The following PCDHA2 variants were observed in gnomAD, a reference collection of about 807,000 sequenced individuals.
PCDHA2 encodes protocadherin alpha 2.
A neutral mutation model predicts 66.0 loss-of-function variants in PCDHA2; 58 were observed. That is an observed-to-expected ratio of 0.88 (90% CI 0.71 to 1.09). The LOEUF is 1.09. Ranked by LOEUF, PCDHA2 falls within the 50% of genes least tolerant of loss-of-function variation. The probability of loss-of-function intolerance (pLI) is 0.00; values close to 1 mark genes in which losing one functional copy is unlikely to be tolerated. For missense variants in PCDHA2, 1,267 were observed against 1,242.3 expected, an observed-to-expected ratio of 1.02 and a Z score of -0.30; for synonymous variants, 634 against 554.0, an observed-to-expected ratio of 1.14 and a Z score of -2.03.
At chr5:140,904,642 C>G (rs1257685945) in intron 1 of PCDHA2, among the ~76,000 whole-genome samples, 2 of 152,132 alleles carry the variant, frequency 1.3e-5, no homozygotes, top group Non-Finnish European at 2.9e-5. Context: ...AATCTCCACA[C>G]TGTTTTCCAT....
At chr5:140,904,270 G>A (rs374052783) in intron 1 of PCDHA2, among the ~76,000 whole-genome samples, 3 of 152,068 alleles carry the variant, frequency 2.0e-5, no homozygotes, top group East Asian at 3.9e-4. Context: ...ACTTATGAAT[G>A]AGAACATGTG....
chr5:140,833,685 T>C (rs1301344321), intron 1 of PCDHA2, among the ~76,000 whole-genome samples: 2 of 152,124 alleles, frequency 1.3e-5, no homozygotes, highest in South Asian at 2.1e-4. Context: ...CCAAACCTTC[T>C]CTTATTTTGT....
chr5:140,847,202 C>A (rs1780900949), intron 1 of PCDHA2, among the ~76,000 whole-genome samples: 1 of 149,570 alleles, frequency 6.7e-6, no homozygotes, highest in Non-Finnish European at 1.5e-5. Flanking sequence ...AATTTGGCCA[C>A]TCTTTAGAAT....
chr5:140,836,633 C>A (rs2150266268), intron 1 of PCDHA2: 8 of 1,613,432 alleles, frequency 5.0e-6, no homozygotes, highest in Non-Finnish European at 5.9e-6. Flanking sequence ...GCTGGTCATT[C>A]TCCCAGCAGA....
chr5:140,863,012 G>A, intron 1 of PCDHA2: 1 of 552,296 alleles, frequency 1.8e-6, no homozygotes, highest in South Asian at 1.4e-5. Context: ...CAGCTATGAC[G>A]CCTGGTTGTC....
At chr5:140,809,544 T>G in intron 1 of PCDHA2, 1 of 1,613,228 alleles carries the variant, frequency 6.2e-7, no homozygotes. Context: ...GAAGATCAGC[T>G]GCAGACAACT....
chr5:140,804,920 T>G, intron 1 of PCDHA2: 1 of 979,612 alleles, frequency 1.0e-6, no homozygotes, highest in South Asian at 2.3e-5. Flanking sequence ...TATTTCCTTT[T>G]TTGGCACTAT....
rs375841777 is a variant in PCDHA2, at chr5:140,796,332, A to G, written c.1368A>G (p.Ala456=). 2.5e-6 allele frequency: 4 copies of G among 1,609,960 alleles called. No homozygotes were observed. Among genetic ancestry groups the G allele is most frequent in the Admixed American group, 1.7e-5 (1 of 59,500 alleles). Residue 456 remains alanine, a synonymous_variant, in exon 1 of 4, where the codon GCA becomes GCG. Coordinates refer to ENST00000526136, the MANE Select transcript of PCDHA2 (RefSeq NM_018905.3). ...ADVNDNAPAF[A]QPEYTVFVKE... is the part of the protein sequence containing the mutation. ...TGAACGACAACGCGCCGGCGTTCGC[A>G]CAGCCTGAGTACACAGTATTCGTGA...
At chr5:140,829,218 A>G in intron 1 of PCDHA2, 1 of 1,614,180 alleles carries the variant, frequency 6.2e-7, no homozygotes, top group Non-Finnish European at 8.5e-7. Context: ...AGCGTGAACG[A>G]CCTCGATTCA....
Position 140,856,227 on chromosome 5 carries a change from A to C in PCDHA2, c.2388+58875A>C, listed in dbSNP as rs149352769. 4,605 of 1,597,986 alleles carry C rather than the reference A, an allele frequency of 2.9e-3. 355 individuals carry two copies. The highest frequency in any genetic ancestry group is 0.01 in the Middle Eastern group (60 of 5,808). ...GGGCTGGAGCTGGCGGAGCTGGTGC[A>C]GCGCCTGTTCCGGGTGGCGTCCAAA... On this transcript the variant is annotated intron_variant, in intron 1 of 3. Transcript: ENST00000526136.
intron 1 of PCDHA2, chr5:140,850,445 G>A: frequency 6.3e-7 from 1 of 1,597,998 alleles, no homozygotes; most frequent in Non-Finnish European, 8.6e-7. Context: ...TACTGGTGCT[G>A]GTGAAAGACC....
chr5:140,821,638 A>AT, intron 1 of PCDHA2: 1 of 1,026,086 alleles, frequency 9.7e-7, no homozygotes, highest in Non-Finnish European at 1.4e-6. Flanking sequence ...AGAAAGGAAA[A>AT]GAACCTTCCA....
At chr5:140,892,811 T>C (rs1554185379) in intron 1 of PCDHA2, among the ~76,000 whole-genome samples, 1 of 152,210 alleles carries the variant, frequency 6.6e-6, no homozygotes, top group Non-Finnish European at 1.5e-5. Context: ...TAACCATATT[T>C]ATCCTACAGT....
chr5:140,852,888 T>C, intron 1 of PCDHA2: 1 of 920,092 alleles, frequency 1.1e-6, no homozygotes, highest in Non-Finnish European at 1.3e-6. Context: ...AAAACGTATT[T>C]TTTTTTTTGA....
At chr5:140,851,590 A>T in intron 1 of PCDHA2, 1 of 918,156 alleles carries the variant, frequency 1.1e-6, no homozygotes, top group Non-Finnish European at 1.3e-6. Flanking sequence ...ATTTTTTGAA[A>T]TTCAGTTTAC....
At chr5:140,842,917 G>A in intron 1 of PCDHA2, 1 of 1,594,694 alleles carries the variant, frequency 6.3e-7, no homozygotes, top group Non-Finnish European at 8.6e-7. Flanking sequence ...AGCTGCTGCA[G>A]TTCCAGGTGA....
At chr5:140,888,796 T>C (rs1158691492) in intron 1 of PCDHA2, among the ~76,000 whole-genome samples, 1 of 152,008 alleles carries the variant, frequency 6.6e-6, no homozygotes, top group East Asian at 1.9e-4. Context: ...TCTGGGGAGG[T>C]TGATCAGTGA....
At position 141,011,407 on chromosome 5, in the gene PCDHA2, G is replaced by A. The variant is rs782613069; in HGVS notation, c.*1470G>A. On this transcript the variant is annotated 3_prime_UTR_variant, in exon 4 of 4. Coordinates refer to ENST00000526136, the MANE Select transcript of PCDHA2 (RefSeq NM_018905.3). ...TGAAATATACTTACTCTGTGCTTGT[G>A]TATGTGAATGTTAATGCAACTATTA... is the stretch of plus-strand genomic sequence containing the variant. The A allele has an allele frequency of 2.0e-5, 3 of 153,718 alleles. No individual in the cohort carries two copies. The highest frequency in any genetic ancestry group is 6.5e-5 in the Admixed American group (1 of 15,284). The allele number at this position is 153,718 out of a possible 1,614,324, so 9.5% of individuals were successfully genotyped here.
rs542701193 is a variant in PCDHA2 at position 140,931,976 on chromosome 5, A to G, written c.2389-46973A>G. 2.6e-5 allele frequency among the ~76,000 whole-genome samples: 4 copies of G among 152,074 alleles called. No homozygotes were observed. In the East Asian group the frequency reaches 7.7e-4, roughly 29 times the overall value. On this transcript the variant is annotated intron_variant, in intron 1 of 3. Coordinates refer to ENST00000526136, the MANE Select transcript of PCDHA2 (RefSeq NM_018905.3). ...GAATCATGTTGATGCATATGTGTTTATATTTTGCTCAAATTCTAAGTTCTT... is the reference window on the plus strand; with the variant it reads ...GAATCATGTTGATGCATATGTGTTTGTATTTTGCTCAAATTCTAAGTTCTT...
Sources: allele counts gnomAD v4.1 joint callset (sites outside exome capture counted in the v4.1 genomes callset), GRCh38; gene constraint gnomAD v4.1.1; transcripts MANE v1.5; gene names NCBI Gene and HGNC (gene_info 2026-07-23, HGNC 2026-07-21).